Variants in RBM23 observed in about 807,000 individuals in gnomAD.
RBM23 encodes RNA binding motif protein 23.
A neutral mutation model predicts 56.2 loss-of-function variants in RBM23; 53 were observed. The observed-to-expected ratio is 0.94, with a 90% CI of 0.76 to 1.19. RBM23 has a LOEUF of 1.19. RBM23 is among the 50% of genes most tolerant of loss of function. RBM23 has a pLI of 0.00. For missense variants in RBM23, 642 were observed against 590.3 expected, an observed-to-expected ratio of 1.09 and a Z score of -0.91; for synonymous variants, 197 against 198.5, an observed-to-expected ratio of 0.99 and a Z score of 0.06.
At chr14:22,907,807 T>C (rs2041824501) in intron 4 of RBM23, among the ~76,000 whole-genome samples, 1 of 152,196 alleles carries the variant, frequency 6.6e-6, no homozygotes, top group African/African-American at 2.4e-5. Flanking sequence ...TTGAAGACCT[T>C]CCAGTGGGAC....
At chr14:22,906,496 C>G in intron 4 of RBM23, 128 bp from the exon 5 acceptor site, 1 of 1,080,308 alleles carries the variant, frequency 9.3e-7, no homozygotes, top group Admixed American at 2.4e-5. Flanking sequence ...GATGTTACAG[C>G]CACTGTAATG....
chr14:22,901,820 TG>T lies in RBM23; in HGVS notation c.1309del (p.Gln437ArgfsTer105). On this transcript the variant is annotated frameshift_variant, in exon 13 of 14. Transcript: ENST00000359890. LOFTEE classifies it high-confidence loss of function. ...GCTAGACCCTGAGACTCACATGGTC[TG>T]GGGGGTAAAGAGGCTGGAGAGCTGG... is the stretch of plus-strand genomic sequence containing the variant. The part of the protein sequence containing the change: ...CFQLSSLFTP[Q>X]TM The T allele has an allele frequency of 6.2e-7, 1 of 1,614,090 alleles. No individual in the cohort carries two copies. Among genetic ancestry groups the T allele is most frequent in the South Asian group, 1.1e-5 (1 of 91,078 alleles).
At chr14:22,908,286 C>T (rs1367796626) in intron 4 of RBM23, 47 bp downstream of exon 4, 1 of 1,543,272 alleles carries the variant, frequency 6.5e-7, no homozygotes, top group Admixed American at 2.0e-5. Context: ...TTCCAAAGTG[C>T]TAGGATTAAA....
intron 5 of RBM23, chr14:22,905,866 A>G: frequency 1.7e-6 from 1 of 603,214 alleles, no homozygotes. Flanking sequence ...CTCCCACCTC[A>G]GCCTCCTTGT....
intron 2 of RBM23, among the ~76,000 whole-genome samples, chr14:22,910,972 C>T (rs187960255): frequency 3.3e-5 from 5 of 152,198 alleles, no homozygotes; most frequent in Middle Eastern, 3.4e-3. Context: ...GATTGTGCCA[C>T]TGCACTCCAG....
At chr14:22,908,261 T>A in intron 4 of RBM23, 72 bp downstream of exon 4, 12 of 1,505,146 alleles carry the variant, frequency 8.0e-6, no homozygotes, top group Non-Finnish European at 1.1e-5. Flanking sequence ...CCTGAAGTGA[T>A]CCTCCCGCCT....
chr14:22,917,573 G>GT (rs1040338701), intron 1 of RBM23: 1,771 of 139,360 alleles, frequency 0.013, 18 homozygotes, highest in South Asian at 0.045. Flanking sequence ...CTTCTTTTTT[G>GT]TTTTTTTTTT....
chr14:22,915,412 T>C (rs1411062859), intron 1 of RBM23, among the ~76,000 whole-genome samples: 1 of 151,786 alleles, frequency 6.6e-6, no homozygotes, highest in African/African-American at 2.4e-5. Context: ...TTAGTCAGGC[T>C]GGTCTCGAAC....
At chr14:22,903,739 T>G in intron 10 of RBM23, 1 of 1,007,622 alleles carries the variant, frequency 9.9e-7, no homozygotes, top group Non-Finnish European at 1.2e-6. Flanking sequence ...TGGCAACCAT[T>G]TTGTTGGAAT....
At position 22,905,322 on chromosome 14, in the gene RBM23, G is replaced by C. The variant is rs1443960528; in HGVS notation, c.573+14C>G. ...GCTAAGCTACTCAGAAGAAAACTAA[G>C]GTGGGAGGGTTACCTTGCCTACAGC... On this transcript the variant is annotated intron_variant, in intron 7 of 13. Coordinates refer to ENST00000359890, the MANE Select transcript of RBM23 (RefSeq NM_001077351.2). 4 of 1,613,910 alleles carry C rather than the reference G, an allele frequency of 2.5e-6. No homozygotes were observed. Among genetic ancestry groups the C allele is most frequent in the Non-Finnish European group, 3.4e-6 (4 of 1,179,962 alleles).
intron 4 of RBM23, 54 bp from the exon 5 acceptor site, chr14:22,906,422 A>T: frequency 6.3e-7 from 1 of 1,590,266 alleles, no homozygotes; most frequent in Non-Finnish European, 8.6e-7. Flanking sequence ...GCCAACAACC[A>T]AGTGCATATA....
intron 5 of RBM23, 82 bp from the exon 6 acceptor site, chr14:22,905,741 T>C (rs2041421304): frequency 9.5e-7 from 1 of 1,054,506 alleles, no homozygotes; most frequent in Admixed American, 2.0e-5. Flanking sequence ...AAAACCAGAT[T>C]CCAGTACTTC....
chr14:22,909,698 T>C (rs915057692), intron 2 of RBM23, 103 bp from the exon 3 acceptor site: 8 of 825,288 alleles, frequency 9.7e-6, no homozygotes, highest in African/African-American at 3.4e-5. Context: ...ATCAAACCAC[T>C]TGATTATCTA....
At chr14:22,905,864 T>C in intron 5 of RBM23, 1 of 603,318 alleles carries the variant, frequency 1.7e-6, no homozygotes, top group South Asian at 2.0e-5. Flanking sequence ...TCCTCCCACC[T>C]CAGCCTCCTT....
chr14:22,905,241 G>A lies in RBM23; in HGVS notation c.579C>T (p.Arg193=), dbSNP rs778516935. 24 of 1,614,088 alleles carry A rather than the reference G, an allele frequency of 1.5e-5. No individual in the cohort carries two copies. Among genetic ancestry groups the A allele is most frequent in the Admixed American group, 1.2e-4 (7 of 60,010 alleles). ...TCCGATCTGAGATGATACGTACATC[G>A]CGAACCTATCCAGGACGCAAAAGAA... ...EDFFSAVGKV[R]DVRIISDRNS... Residue 193 remains arginine (R), a synonymous_variant, in exon 8 of 14, where the codon CGC becomes CGT. Coordinates refer to ENST00000359890, the MANE Select transcript of RBM23 (RefSeq NM_001077351.2).
intron 5 of RBM23, chr14:22,905,975 C>A: frequency 3.2e-6 from 2 of 629,000 alleles, no homozygotes; most frequent in Non-Finnish European, 5.4e-6. Context: ...GTCTTGAATT[C>A]CTGAGCCCAA....
Position 22,900,102 on chromosome 14 carries a change from G to A in RBM23, c.*1628C>T, listed in dbSNP as rs1303083832. ...GTTCCCTACAATTCACTGGTCCCAG[G>A]CCTGTGTTATCCCAGGCAGAGCCAC... On this transcript the variant is annotated 3_prime_UTR_variant, in exon 14 of 14. Transcript: ENST00000359890. 1 of 152,120 alleles carries A rather than the reference G, an allele frequency of 6.6e-6. No individual in the cohort carries two copies. Among genetic ancestry groups the A allele is most frequent in the Non-Finnish European group, 1.5e-5 (1 of 68,044 alleles). The allele number at this position is 152,120 out of a possible 1,614,324, so 9.4% of individuals were successfully genotyped here.
In RBM23 at chr14:22,902,003, G is replaced by A. The variant is rs2040587881; in HGVS notation, c.1223C>T (p.Ala408Val). 2 of 1,611,868 alleles carry A rather than the reference G, an allele frequency of 1.2e-6. No individual in the cohort carries two copies. Among genetic ancestry groups the A allele is most frequent in the Non-Finnish European group, 1.7e-6 (2 of 1,178,544 alleles). ...LQLNGAVPLG[A>V]LNPAALTALS... ...ACCAGTCAGAGCTGCTGGATTCAGG[G>A]CCCCCAAGGGAACTGCTCCATTCAG... is the stretch of plus-strand genomic sequence containing the variant. Residue 408 changes from alanine (A) to valine (V), a missense_variant, in exon 12 of 14, where the codon GCC becomes GTC. Coordinates refer to ENST00000359890, the MANE Select transcript of RBM23 (RefSeq NM_001077351.2).
At chr14:22,917,424 T>C (rs2043717716) in intron 1 of RBM23, 1 of 152,164 alleles carries the variant, frequency 6.6e-6, no homozygotes, top group Non-Finnish European at 1.5e-5. Context: ...GAAACAAATA[T>C]ATCCGTTTAA....
Sources: gnomAD v4.1 joint callset for allele counts (sites outside exome capture counted in the v4.1 genomes callset) on GRCh38, gnomAD v4.1.1 for gene constraint, MANE v1.5 for transcripts, NCBI Gene and HGNC (gene_info 2026-07-23, HGNC 2026-07-21) for gene names.